Variants in CACNA2D4 observed in about 807,000 individuals in gnomAD.
CACNA2D4 encodes calcium voltage-gated channel auxiliary subunit alpha2delta 4, also known as voltage-dependent calcium channel subunit alpha-2/delta-4.
Under a neutral mutation model 163.8 loss-of-function variants are expected in CACNA2D4, and 157 were observed. The observed-to-expected ratio is 0.96, with a 90% confidence interval of 0.84 to 1.09. The LOEUF (loss-of-function observed/expected upper bound fraction) is 1.09. Ranked by LOEUF, CACNA2D4 falls within the 50% of genes least tolerant of loss-of-function variation. The pLI, the probability that CACNA2D4 is intolerant of heterozygous loss-of-function variation, is 0.00. For missense variants in CACNA2D4, 1,410 were observed against 1,479.9 expected, an observed-to-expected ratio of 0.95 and a Z score of 0.78; for synonymous variants, 598 against 586.9, an observed-to-expected ratio of 1.02 and a Z score of -0.27.
intron 26 of CACNA2D4, chr12:1,830,913 C>G (rs1455636696): frequency 6.4e-7 from 1 of 1,569,992 alleles, no homozygotes; most frequent in Non-Finnish European, 8.7e-7. Flanking sequence ...CTTTCTTTCC[C>G]CCGTCTGTCC....
chr12:1,826,854 G>A (rs1864352848), intron 26 of CACNA2D4, among the ~76,000 whole-genome samples: 1 of 152,224 alleles, frequency 6.6e-6, no homozygotes, highest in African/African-American at 2.4e-5. Context: ...GGGGAAACCT[G>A]CACAGACAGG....
intron 26 of CACNA2D4, among the ~76,000 whole-genome samples, chr12:1,839,332 A>T (rs1864960485): frequency 6.6e-6 from 1 of 152,244 alleles, no homozygotes; most frequent in Non-Finnish European, 1.5e-5. Flanking sequence ...TGAAGCTAAA[A>T]CAAGGGTAAG....
At chr12:1,812,738 C>T (rs1241907125) in intron 26 of CACNA2D4, among the ~76,000 whole-genome samples, 1 of 152,216 alleles carries the variant, frequency 6.6e-6, no homozygotes, top group African/African-American at 2.4e-5. Flanking sequence ...GGACTGCAGC[C>T]TGGGCCTGTC....
chr12:1,797,996 C>T (rs1261674159), intron 34 of CACNA2D4, among the ~76,000 whole-genome samples: 1 of 152,100 alleles, frequency 6.6e-6, no homozygotes, highest in Non-Finnish European at 1.5e-5. Context: ...CCTGCTCTCC[C>T]GCACAGCCAG....
chr12:1,860,921 T>A (rs1387089217), intron 18 of CACNA2D4, among the ~76,000 whole-genome samples: 2 of 152,206 alleles, frequency 1.3e-5, no homozygotes, highest in African/African-American at 4.8e-5. Context: ...ACTTTCGACC[T>A]GTGTGCTCTT....
chr12:1,822,660 G>T (rs1387431781), intron 26 of CACNA2D4, among the ~76,000 whole-genome samples: 4 of 152,250 alleles, frequency 2.6e-5, no homozygotes, highest in Admixed American at 1.3e-4. Context: ...TGGGGCATGT[G>T]TTTTAAAATG....
chr12:1,811,117 A>AGGC (rs1056595340), intron 27 of CACNA2D4, among the ~76,000 whole-genome samples: 5 of 152,194 alleles, frequency 3.3e-5, no homozygotes, highest in African/African-American at 1.2e-4. Flanking sequence ...GCCCAGAGTC[A>AGGC]GGCGGCAGCA....
chr12:1,868,258 G>T (rs184409404), intron 18 of CACNA2D4, among the ~76,000 whole-genome samples: 1 of 152,274 alleles, frequency 6.6e-6, no homozygotes, highest in African/African-American at 2.4e-5. Flanking sequence ...TATAAATACA[G>T]AGGAATATTA....
intron 6 of CACNA2D4, among the ~76,000 whole-genome samples, chr12:1,891,923 T>C (rs904788901): frequency 2.0e-5 from 3 of 152,216 alleles, no homozygotes; most frequent in Middle Eastern, 3.4e-3. Flanking sequence ...ATGTGACATA[T>C]AGGACATCAT....
rs1335886374 is a variant in CACNA2D4 at position 1,907,945 on chromosome 12, A to G, written c.579T>C (p.Ala193=). 6.2e-7 allele frequency: 1 copy of G among 1,613,940 alleles called. No homozygotes were observed. Among genetic ancestry groups the G allele is most frequent in the Non-Finnish European group, 8.5e-7 (1 of 1,179,858 alleles). ...TGTTCACCGGCAGGTTGCTGAAGTG[A>G]GCATTGGACTCCAGGAGGAACTCGG... ...LGAEFLLESN[A]HFSNLPVNTS... Residue 193 remains alanine, a synonymous_variant, in exon 5 of 38, where the codon GCT becomes GCC. Coordinates refer to ENST00000382722, the MANE Select transcript of CACNA2D4 (RefSeq NM_172364.5).
rs967978350 is a variant in CACNA2D4 at position 1,869,790 on chromosome 12, G to A, written c.1878+4814C>T. Among the ~76,000 whole-genome samples, 11 of 152,120 alleles carry A rather than the reference G, an allele frequency of 7.2e-5. No homozygotes were observed. Among genetic ancestry groups the A allele is most frequent in the African/African-American group, 1.4e-4 (6 of 41,406 alleles). ...TTGACCAAGCCCTAACCATTTCTCC[G>A]CTGAGATTCTCCATCTGTTCCCTCA... On this transcript the variant is annotated intron_variant, in intron 18 of 37. Transcript: ENST00000382722. This position sits in a 1 kb window ranked among gnomAD's most constrained non-coding sequence, Gnocchi z 4.7.
rs1244463391 is a variant in CACNA2D4, at chr12:1,834,194, G to A, written c.2551+6545C>T. 1.3e-6 allele frequency: 2 copies of A among 1,489,158 alleles called. No homozygotes were observed. Among genetic ancestry groups the A allele is most frequent in the Non-Finnish European group, 9.0e-7 (1 of 1,117,262 alleles). The allele number at this position is 1,489,158 out of a possible 1,614,324, so 92.2% of individuals were successfully genotyped here. A position where few individuals can be genotyped will look rare whatever the true frequency, so the allele number is the denominator to read the frequency against. On this transcript the variant is annotated intron_variant, in intron 26 of 37. Transcript: ENST00000382722. This position sits in a 1 kb window ranked among gnomAD's most constrained non-coding sequence, Gnocchi z 7.6. Reference sequence around the variant, plus strand: ...TACCTTCTGGGGCTTCCGTTTTGGGGAGCTGGGGATGGGGAGAGGGAGTGC... The same window carrying A: ...TACCTTCTGGGGCTTCCGTTTTGGGAAGCTGGGGATGGGGAGAGGGAGTGC...
At chr12:1,797,569 G>A (rs1452304697) in intron 34 of CACNA2D4, 34 bp from the exon 35 acceptor site, 4 of 1,505,320 alleles carry the variant, frequency 2.7e-6, no homozygotes, top group Non-Finnish European at 3.6e-6. Context: ...CGCCACCGAA[G>A]GGGCCTCTGG....
intron 16 of CACNA2D4, among the ~76,000 whole-genome samples, chr12:1,876,184 T>A (rs1307524386): frequency 6.6e-6 from 1 of 152,232 alleles, no homozygotes; most frequent in Non-Finnish European, 1.5e-5. Flanking sequence ...GCTTTCTGAA[T>A]ACTAATTTTC....
In CACNA2D4 at chr12:1,811,370, G is replaced by A. The variant is rs368460881; in HGVS notation, c.2613+292C>T. On this transcript the variant is annotated intron_variant, in intron 27 of 37. Coordinates refer to ENST00000382722, the MANE Select transcript of CACNA2D4 (RefSeq NM_172364.5). ...AGGGCCTGGACCCCGGACCTTGGAC[G>A]GTGGATCGAGGTGGCTCTCCCTTTT... is the stretch of plus-strand genomic sequence containing the variant. Among the ~76,000 whole-genome samples the A allele has an allele frequency of 7.9e-5, 12 of 152,358 alleles. No homozygotes were observed. The East Asian group carries it at 1.2e-3, about 15-fold the overall frequency.
At chr12:1,860,341 C>T (rs1865497505) in intron 18 of CACNA2D4, 135 bp from the exon 19 acceptor site, 1 of 669,402 alleles carries the variant, frequency 1.5e-6, no homozygotes, top group South Asian at 1.6e-5. Context: ...CCTGACCAGC[C>T]CCTACACACC....
intron 23 of CACNA2D4, among the ~76,000 whole-genome samples, chr12:1,852,886 T>C (rs184484933): frequency 1.6e-3 from 241 of 152,306 alleles, no homozygotes; most frequent in African/African-American, 5.0e-3. Flanking sequence ...GATCTCGCTA[T>C]GCTTTGTTTT....
At chr12:1,847,425 G>C (rs1865170255) in intron 23 of CACNA2D4, among the ~76,000 whole-genome samples, 1 of 152,218 alleles carries the variant, frequency 6.6e-6, no homozygotes, top group South Asian at 2.1e-4. Context: ...CAGGCTCAGA[G>C]GCTGGACTGC....
chr12:1,841,480 T>C (rs1865024252), intron 25 of CACNA2D4, among the ~76,000 whole-genome samples: 1 of 152,202 alleles, frequency 6.6e-6, no homozygotes, highest in South Asian at 2.1e-4. Context: ...CAGGCCACCA[T>C]AGGTGCACAG....
Sources: gnomAD v4.1 joint callset for allele counts (sites outside exome capture counted in the v4.1 genomes callset) on GRCh38, gnomAD v4.1.1 for gene constraint, Gnocchi (gnomAD v3.1) non-coding constraint, MANE v1.5 for transcripts, NCBI Gene and HGNC (gene_info 2026-07-23, HGNC 2026-07-21) for gene names.